The following B3GALT1 variants were observed in gnomAD, a reference collection of about 807,000 sequenced individuals.
B3GALT1 encodes beta-1,3-galactosyltransferase 1, also known as UDP-Gal:betaGlcNAc beta 1,3-galactosyltransferase, polypeptide 1.
In B3GALT1, 10 loss-of-function variants were observed where a neutral mutation model predicts 23.2. That is an observed-to-expected ratio of 0.43 (90% CI 0.27 to 0.73). B3GALT1 has a LOEUF of 0.73. Among genes scored for constraint, B3GALT1 ranks in the 30% least tolerant of loss-of-function variants. The probability of loss-of-function intolerance (pLI) is 0.21; values close to 1 mark genes in which losing one functional copy is unlikely to be tolerated. For synonymous variants in B3GALT1, 156 were observed against 141.5 expected, an observed-to-expected ratio of 1.10 and a Z score of -0.73; for missense variants, 299 against 405.4, an observed-to-expected ratio of 0.74 and a Z score of 2.25.
intron 2 of B3GALT1, among the ~76,000 whole-genome samples, chr2:167,530,587 G>A (rs546441320): frequency 6.6e-6 from 1 of 152,236 alleles, no homozygotes; most frequent in South Asian, 2.1e-4. Context: ...TTAAAGTGAT[G>A]CCATAAAACA....
chr2:167,567,756 A>G (rs942543659), intron 2 of B3GALT1, among the ~76,000 whole-genome samples: 3 of 152,070 alleles, frequency 2.0e-5, no homozygotes, highest in African/African-American at 7.2e-5. Flanking sequence ...CGAAGTCCAT[A>G]GTTTACATTA....
At chr2:167,774,069 A>G (rs1156498780) in intron 3 of B3GALT1, among the ~76,000 whole-genome samples, 1 of 152,216 alleles carries the variant, frequency 6.6e-6, no homozygotes, top group East Asian at 1.9e-4. Context: ...CCTAAATGTA[A>G]AGCACGTTTT....
chr2:167,801,692 A>G (rs1008229908), intron 3 of B3GALT1, among the ~76,000 whole-genome samples: 1 of 152,252 alleles, frequency 6.6e-6, no homozygotes. Context: ...TCTGAAGGAC[A>G]TAAATGTTTT....
chr2:167,702,569 T>C (rs902097578), intron 3 of B3GALT1, among the ~76,000 whole-genome samples: 1 of 152,228 alleles, frequency 6.6e-6, no homozygotes, highest in Admixed American at 6.5e-5. Flanking sequence ...ATATATAATA[T>C]GAAAACAAAA....
At chr2:167,526,748 AT>A (rs1175701508) in intron 2 of B3GALT1, among the ~76,000 whole-genome samples, 11 of 152,188 alleles carry the variant, frequency 7.2e-5, no homozygotes, top group African/African-American at 2.7e-4. Flanking sequence ...TTATTTCAGA[AT>A]TTATAGTTAC....
Position 167,796,427 on chromosome 2 carries a change from A to G in B3GALT1, c.-351-22245A>G, listed in dbSNP as rs964152083. ...ATTAAATTATTCTTATCTTGGCATA[A>G]TAACATTTTCCCATTCTAAAACATA... On this transcript the variant is annotated intron_variant, in intron 3 of 4. Coordinates refer to ENST00000392690, the MANE Select transcript of B3GALT1 (RefSeq NM_020981.4). Among the ~76,000 whole-genome samples the G allele has an allele frequency of 2.6e-5, 4 of 152,198 alleles. No individual in the cohort carries two copies. The South Asian group carries it at 6.2e-4, about 24-fold the overall frequency.
chr2:167,592,344 C>A (rs1009142321), intron 2 of B3GALT1, among the ~76,000 whole-genome samples: 17 of 152,160 alleles, frequency 1.1e-4, no homozygotes, highest in Admixed American at 7.9e-4. Context: ...GAGGATCTCT[C>A]TCACCCTTTG....
At chr2:167,585,602 C>T (rs959620543) in intron 2 of B3GALT1, among the ~76,000 whole-genome samples, 4 of 152,156 alleles carry the variant, frequency 2.6e-5, no homozygotes, top group Admixed American at 6.5e-5. Context: ...TTTGAACATT[C>T]GCTTTGGAAA....
chr2:167,501,897 G>A (rs1421044088), intron 2 of B3GALT1, among the ~76,000 whole-genome samples: 1 of 152,026 alleles, frequency 6.6e-6, no homozygotes, highest in Non-Finnish European at 1.5e-5. Context: ...GACATTTATG[G>A]CAAGACTTTG....
chr2:167,373,358 TG>T (rs1697714173), intron 1 of B3GALT1, among the ~76,000 whole-genome samples: 1 of 152,032 alleles, frequency 6.6e-6, no homozygotes, highest in Non-Finnish European at 1.5e-5. Flanking sequence ...ATAAGTAAAT[TG>T]TTTTTTATCT....
At chr2:167,354,548 T>C (rs960747506) in intron 1 of B3GALT1, among the ~76,000 whole-genome samples, 1 of 152,126 alleles carries the variant, frequency 6.6e-6, no homozygotes, top group Non-Finnish European at 1.5e-5. Context: ...GGTTTCACCA[T>C]GTTGGCCAGG....
intron 2 of B3GALT1, among the ~76,000 whole-genome samples, chr2:167,551,299 G>T (rs1452498829): frequency 6.6e-6 from 1 of 152,166 alleles, no homozygotes; most frequent in Non-Finnish European, 1.5e-5. Context: ...AGATAAATAA[G>T]CAAAAATATG....
chr2:167,618,406 A>T (rs1685198047), intron 2 of B3GALT1, among the ~76,000 whole-genome samples: 1 of 152,088 alleles, frequency 6.6e-6, no homozygotes, highest in African/African-American at 2.4e-5. Context: ...ATGTGTATGT[A>T]TAAATTTTTC....
At chr2:167,749,171 A>G (rs1377614867) in intron 3 of B3GALT1, among the ~76,000 whole-genome samples, 2 of 152,180 alleles carry the variant, frequency 1.3e-5, no homozygotes, top group Non-Finnish European at 2.9e-5. Context: ...TTGCTTCACA[A>G]CCTTTTCATA....
At chr2:167,455,111 A>C (rs116990360) in intron 1 of B3GALT1, among the ~76,000 whole-genome samples, 5 of 152,210 alleles carry the variant, frequency 3.3e-5, no homozygotes, top group Non-Finnish European at 7.3e-5. Context: ...ACTTATCCAC[A>C]TATGGATTTC....
intron 3 of B3GALT1, among the ~76,000 whole-genome samples, chr2:167,759,998 G>A (rs780263138): frequency 6.6e-6 from 1 of 152,128 alleles, no homozygotes; most frequent in East Asian, 1.9e-4. Flanking sequence ...CATGACTATG[G>A]TCTTGGATTT....
intron 1 of B3GALT1, among the ~76,000 whole-genome samples, chr2:167,400,417 T>C (rs1559085500): frequency 6.6e-6 from 1 of 152,124 alleles, no homozygotes; most frequent in Non-Finnish European, 1.5e-5. Context: ...TTTTATATTT[T>C]GCTCATATTT....
chr2:167,581,873 G>A (rs778733718), intron 2 of B3GALT1, among the ~76,000 whole-genome samples: 12 of 152,080 alleles, frequency 7.9e-5, no homozygotes, highest in Middle Eastern at 3.2e-3. Context: ...TTAGAGTGCC[G>A]AGAAATAAAT....
chr2:167,647,733 C>T (rs1172440361), intron 3 of B3GALT1, among the ~76,000 whole-genome samples: 2 of 152,102 alleles, frequency 1.3e-5, no homozygotes, highest in Non-Finnish European at 2.9e-5. Flanking sequence ...TTTTCCCAGT[C>T]ACTCAATTTT....
Sources: gnomAD v4.1 joint callset for allele counts (sites outside exome capture counted in the v4.1 genomes callset) on GRCh38, gnomAD v4.1.1 for gene constraint, MANE v1.5 for transcripts, NCBI Gene and HGNC (gene_info 2026-07-23, HGNC 2026-07-21) for gene names.